CCDC169: variants seen among roughly 807,000 people sequenced by gnomAD.
CCDC169 encodes the protein coiled-coil domain-containing protein 169.
A neutral mutation model predicts 36.0 loss-of-function variants in CCDC169; 30 were observed. That is an observed-to-expected ratio of 0.83 (90% CI 0.62 to 1.13). The LOEUF (loss-of-function observed/expected upper bound fraction) is 1.13, where lower values mean the gene tolerates loss of function less well. Ranked by LOEUF, CCDC169 falls within the 50% of genes most tolerant of loss-of-function variation. CCDC169 has a pLI of 0.00. For missense variants in CCDC169, 245 were observed against 245.9 expected (o/e 1.00, Z 0.03); for synonymous variants, 85 against 81.5 (o/e 1.04, Z -0.23).
At chr13:36,241,466 G>A (rs889460381) in intron 7 of CCDC169, among the ~76,000 whole-genome samples, 2 of 152,052 alleles carry the variant, frequency 1.3e-5, no homozygotes, top group African/African-American at 4.8e-5. Context: ...ACTTTTGTCT[G>A]TCTTTGAACT....
At chr13:36,230,361 G>A (rs1438825267), downstream of CCDC169, among the ~76,000 whole-genome samples, 2 of 152,194 alleles carry the variant, frequency 1.3e-5, no homozygotes, top group African/African-American at 4.8e-5. Flanking sequence ...AACCATGAAT[G>A]AGAGGATTCA....
intron 4 of CCDC169, among the ~76,000 whole-genome samples, chr13:36,257,618 G>T (rs1471989236): frequency 6.6e-6 from 1 of 151,840 alleles, no homozygotes; most frequent in South Asian, 2.1e-4. Context: ...CAAGTGAGTC[G>T]CTTGAACGCG....
At chr13:36,294,545 C>T (rs1048356952) in intron 2 of CCDC169, among the ~76,000 whole-genome samples, 13 of 152,102 alleles carry the variant, frequency 8.5e-5, no homozygotes, top group Non-Finnish European at 1.2e-4. Context: ...CCTTTTTGTT[C>T]ATGGCTCCCC....
chr13:36,288,617 G>A (rs1878523817), intron 2 of CCDC169, among the ~76,000 whole-genome samples: 1 of 152,140 alleles, frequency 6.6e-6, no homozygotes. Flanking sequence ...CTGATAAACA[G>A]TTCAGGATTT....
intron 2 of CCDC169, among the ~76,000 whole-genome samples, chr13:36,293,171 C>T (rs1311201874): frequency 3.9e-5 from 6 of 152,118 alleles, no homozygotes; most frequent in Non-Finnish European, 7.3e-5. Context: ...CACATGTGCG[C>T]ATATTTCCAG....
chr13:36,226,822 T>G, downstream of CCDC169: 2 of 272,874 alleles, frequency 7.3e-6, no homozygotes, highest in Non-Finnish European at 1.4e-5. Context: ...AGAGCAAACA[T>G]TGACAAATAA....
chr13:36,266,733 G>C (rs1000968805), intron 4 of CCDC169, among the ~76,000 whole-genome samples: 1 of 152,094 alleles, frequency 6.6e-6, no homozygotes, highest in Admixed American at 6.5e-5. Context: ...TTGCATCATG[G>C]CTTCTTCCAC....
chr13:36,229,774 C>G (rs1870221854), downstream of CCDC169, among the ~76,000 whole-genome samples: 1 of 152,132 alleles, frequency 6.6e-6, no homozygotes, highest in East Asian at 1.9e-4. Flanking sequence ...AACTCCTGGA[C>G]TCAAGTGATC....
intron 7 of CCDC169, among the ~76,000 whole-genome samples, chr13:36,233,605 T>C (rs1593988866): frequency 6.6e-6 from 1 of 152,140 alleles, no homozygotes; most frequent in East Asian, 1.9e-4. Flanking sequence ...TAATAAGAGA[T>C]AGAAATTATT....
At position 36,259,310 on chromosome 13, in the gene CCDC169, G is replaced by A. The variant is rs555936129; in HGVS notation, c.316-5167C>T. Among the ~76,000 whole-genome samples, 3 of 152,240 alleles carry A rather than the reference G, an allele frequency of 2.0e-5. No homozygotes were observed. The South Asian group carries it at 6.2e-4, about 32-fold the overall frequency. The stretch of plus-strand genomic sequence containing the variant: ...AGGAACATTATGAGCTCTCCCCCAG[G>A]AAGCGCTTCTTGGTTTCCCATTGTT... On this transcript the variant is annotated intron_variant, in intron 4 of 7. Coordinates refer to ENST00000239859, the MANE Select transcript of CCDC169 (RefSeq NM_001144981.3).
intron 2 of CCDC169, among the ~76,000 whole-genome samples, chr13:36,295,440 G>A (rs757700619): frequency 9.2e-5 from 14 of 152,060 alleles, no homozygotes; most frequent in South Asian, 2.1e-4. Flanking sequence ...CCCAAACCTA[G>A]AAGTTAAGAT....
intron 4 of CCDC169, among the ~76,000 whole-genome samples, chr13:36,271,542 G>A (rs1876062466): frequency 6.6e-6 from 1 of 152,140 alleles, no homozygotes; most frequent in African/African-American, 2.4e-5. Flanking sequence ...TAAAGAAAAT[G>A]TGGTTATATA....
At chr13:36,292,198 TG>T (rs2138649793) in intron 2 of CCDC169, among the ~76,000 whole-genome samples, 1 of 152,280 alleles carries the variant, frequency 6.6e-6, no homozygotes, top group East Asian at 1.9e-4. Context: ...TTCACCATGT[TG>T]GCCAGGCTGG....
chr13:36,267,047 G>T (rs754338136), intron 4 of CCDC169: 1 of 152,308 alleles, frequency 6.6e-6, no homozygotes, highest in South Asian at 2.1e-4. Flanking sequence ...GGCCAGGAGA[G>T]CAGTCTGACA....
rs147966223 is a variant in CCDC169, at chr13:36,270,112, C to T, written c.315+13357G>A. ...AAAATCAATGTACACAAATCAGTAG[C>T]ACTGTTGCACAACAAAATGACCAAG... On this transcript the variant is annotated intron_variant, in intron 4 of 7. Coordinates refer to ENST00000239859, the MANE Select transcript of CCDC169 (RefSeq NM_001144981.3). Among the ~76,000 whole-genome samples, 142 of 152,248 alleles carry T rather than the reference C, an allele frequency of 9.3e-4. 1 individual carries two copies. Among genetic ancestry groups the T allele is most frequent in the Non-Finnish European group, 4.3e-4 (29 of 68,018 alleles).
At chr13:36,240,416 C>G (rs1871657302) in intron 7 of CCDC169, among the ~76,000 whole-genome samples, 1 of 151,958 alleles carries the variant, frequency 6.6e-6, no homozygotes, top group African/African-American at 2.4e-5. Flanking sequence ...GCTATGTACT[C>G]TCCTAGAATG....
At chr13:36,239,048 T>C (rs986801690) in intron 7 of CCDC169, among the ~76,000 whole-genome samples, 5 of 151,922 alleles carry the variant, frequency 3.3e-5, no homozygotes, top group African/African-American at 1.2e-4. Flanking sequence ...TGAAAAAACA[T>C]GGCAAGACCC....
chr13:36,283,135 A>G (rs1240061235), intron 4 of CCDC169: 1 of 256,580 alleles, frequency 3.9e-6, no homozygotes, highest in Non-Finnish European at 7.3e-6. Context: ...CTGGGTTGAA[A>G]GTAACAAGCG....
intron 1 of CCDC169, among the ~76,000 whole-genome samples, chr13:36,296,948 C>G (rs1164867178): frequency 2.6e-5 from 4 of 152,216 alleles, no homozygotes; most frequent in Admixed American, 6.5e-5. Flanking sequence ...AGTACTTGCT[C>G]TTATTCTCTA....
Sources: gnomAD v4.1 joint callset for allele counts (sites outside exome capture counted in the v4.1 genomes callset) on GRCh38, gnomAD v4.1.1 for gene constraint, MANE v1.5 for transcripts, NCBI Gene and HGNC (gene_info 2026-07-23, HGNC 2026-07-21) for gene names.